The following DAGLA variants were observed in gnomAD, a reference collection of about 807,000 sequenced individuals.
The protein encoded by DAGLA is diacylglycerol lipase alpha.
DAGLA carries 22 observed loss-of-function variants against 102.6 expected under a neutral mutation model. The ratio of observed to expected loss-of-function variants is 0.21; its 90% confidence interval spans 0.15 to 0.31. DAGLA has a LOEUF of 0.31. DAGLA is among the 10% of genes least tolerant of loss of function. The pLI is 1.00. For synonymous variants in DAGLA, 578 were observed against 628.9 expected (o/e 0.92, Z 1.21); for missense variants, 927 against 1,446.6 (o/e 0.64, Z 5.83).
At chr11:61,731,596 G>C (rs2065375766) in intron 9 of DAGLA, among the ~76,000 whole-genome samples, 155 bp downstream of exon 9, 1 of 152,180 alleles carries the variant, frequency 6.6e-6, no homozygotes, top group East Asian at 1.9e-4. Flanking sequence ...TGTTATCCCT[G>C]AGCAGTGAAG....
At chr11:61,700,692 C>T (rs952837491) in intron 1 of DAGLA, among the ~76,000 whole-genome samples, 40 of 152,316 alleles carry the variant, frequency 2.6e-4, no homozygotes, top group African/African-American at 9.1e-4. Flanking sequence ...GGCAAGGAGC[C>T]GGGTGCCTCC....
intron 6 of DAGLA, 109 bp from the exon 7 acceptor site, chr11:61,728,044 G>C: frequency 2.3e-6 from 3 of 1,326,554 alleles, no homozygotes; most frequent in Non-Finnish European, 3.2e-6. Flanking sequence ...AGGGGACCCC[G>C]AGCAGACACC....
intron 3 of DAGLA, 22 bp downstream of exon 3, chr11:61,720,912 G>A (rs756062957): frequency 6.2e-7 from 1 of 1,603,344 alleles, no homozygotes; most frequent in Admixed American, 1.7e-5. Flanking sequence ...CCACCCTGGG[G>A]TGCTGCCCCA....
intron 5 of DAGLA, among the ~76,000 whole-genome samples, chr11:61,723,787 A>G (rs973277144): frequency 6.6e-6 from 1 of 152,256 alleles, no homozygotes; most frequent in African/African-American, 2.4e-5. Context: ...TGTTGTTGTG[A>G]GATTTAACTG....
intron 1 of DAGLA, among the ~76,000 whole-genome samples, chr11:61,689,495 TCA>T (rs2065008244): frequency 8.0e-6 from 1 of 124,700 alleles, no homozygotes. Flanking sequence ...TGTTTGAGCC[TCA>T]GTTTCCTCAT....
chr11:61,687,743 T>C (rs1395816339), intron 1 of DAGLA, among the ~76,000 whole-genome samples: 2 of 152,222 alleles, frequency 1.3e-5, no homozygotes, highest in Non-Finnish European at 2.9e-5. Flanking sequence ...ATAACAATCA[T>C]GGCGAAATAA....
intron 1 of DAGLA, among the ~76,000 whole-genome samples, chr11:61,689,962 C>T (rs1260921591): frequency 6.6e-6 from 1 of 152,170 alleles, no homozygotes; most frequent in East Asian, 1.9e-4. Flanking sequence ...GGGATCATGA[C>T]TTGGCCTCAC....
chr11:61,721,005 CAGCAGTGAACTA>C, intron 3 of DAGLA, 115 bp downstream of exon 3: 1 of 972,048 alleles, frequency 1.0e-6, no homozygotes, highest in Non-Finnish European at 1.5e-6. Flanking sequence ...CACTGGGGTA[CAGCAGTGAACTA>C]AGGCCTTCTG....
chr11:61,706,494 C>T (rs544466347), intron 1 of DAGLA, among the ~76,000 whole-genome samples: 1 of 152,114 alleles, frequency 6.6e-6, no homozygotes, highest in East Asian at 1.9e-4. Flanking sequence ...GGCCGAGGGC[C>T]CTGCTCGTGG....
chr11:61,733,128 C>T (rs1450883365), intron 9 of DAGLA, among the ~76,000 whole-genome samples: 2 of 152,256 alleles, frequency 1.3e-5, no homozygotes, highest in African/African-American at 4.8e-5. Context: ...AAGTAGCTGT[C>T]ACCACCTGCT....
intron 1 of DAGLA, among the ~76,000 whole-genome samples, chr11:61,697,422 G>A (rs1208810630): frequency 1.3e-5 from 2 of 152,260 alleles, no homozygotes; most frequent in East Asian, 3.9e-4. Flanking sequence ...TTGGGGGAAT[G>A]GCCACACGTG....
intron 1 of DAGLA, among the ~76,000 whole-genome samples, chr11:61,706,705 G>A (rs938369012): frequency 1.7e-4 from 26 of 152,288 alleles, no homozygotes; most frequent in African/African-American, 6.0e-4. Flanking sequence ...GGCTGACCCC[G>A]CCGAGGTCCC....
In DAGLA at chr11:61,737,418, C is replaced by T. The variant is rs940014704; in HGVS notation, c.1514+94C>T. On this transcript the variant is annotated intron_variant, in intron 14 of 19. Coordinates refer to ENST00000257215, the MANE Select transcript of DAGLA (RefSeq NM_006133.3). ...GCTAGGGGCTGGACTGGGAGTCTGACTTCTGGTCACATGGAGGTCTGGGAG... is the reference window on the plus strand; with the variant it reads ...GCTAGGGGCTGGACTGGGAGTCTGATTTCTGGTCACATGGAGGTCTGGGAG... 35 of 1,549,128 alleles carry T rather than the reference C, an allele frequency of 2.3e-5. 1 individual carries two copies. Among genetic ancestry groups the T allele is most frequent in the Middle Eastern group, 3.4e-4 (2 of 5,878 alleles).
At chr11:61,741,074 G>A in intron 18 of DAGLA, 88 bp from the exon 19 acceptor site, 1 of 1,326,448 alleles carries the variant, frequency 7.5e-7, no homozygotes, top group Non-Finnish European at 1.0e-6. Context: ...TGCTTGGCCT[G>A]AGAGGCCTGG....
At chr11:61,736,513 T>A (rs577293295) in intron 13 of DAGLA, among the ~76,000 whole-genome samples, 163 bp downstream of exon 13, 1 of 152,348 alleles carries the variant, frequency 6.6e-6, no homozygotes, top group East Asian at 1.9e-4. Context: ...TCCTCTTTTG[T>A]GCCAGGTCCT....
intron 5 of DAGLA, among the ~76,000 whole-genome samples, chr11:61,724,236 CA>C (rs1378446967): frequency 2.0e-5 from 3 of 152,082 alleles, no homozygotes; most frequent in African/African-American, 7.2e-5. Context: ...GGAGGGCATC[CA>C]GGTAGTGTCA....
chr11:61,713,133 C>T (rs1451839253), intron 1 of DAGLA, among the ~76,000 whole-genome samples: 1 of 152,294 alleles, frequency 6.6e-6, no homozygotes, highest in South Asian at 2.1e-4. Context: ...CAGAATGGGT[C>T]CCGTGCTATC....
chr11:61,683,423 T>A (rs1400706044), intron 1 of DAGLA, among the ~76,000 whole-genome samples: 1 of 151,952 alleles, frequency 6.6e-6, no homozygotes, highest in African/African-American at 2.4e-5. Context: ...GCTTCATACC[T>A]CCCCCGAGGA....
chr11:61,708,789 A>G (rs935277013), intron 1 of DAGLA, among the ~76,000 whole-genome samples: 4 of 152,180 alleles, frequency 2.6e-5, no homozygotes, highest in African/African-American at 9.7e-5. Flanking sequence ...GCTGCGTTGT[A>G]TATTGAAGGT....
Sources: allele counts gnomAD v4.1 joint callset (sites outside exome capture counted in the v4.1 genomes callset), GRCh38; gene constraint gnomAD v4.1.1; transcripts MANE v1.5; gene names NCBI Gene and HGNC (gene_info 2026-07-23, HGNC 2026-07-21).